Variants in ALDH1A2 observed in about 807,000 individuals in gnomAD.
ALDH1A2 encodes aldehyde dehydrogenase 1 family member A2, also known as retinal dehydrogenase 2.
In ALDH1A2, 27 loss-of-function variants were observed where a neutral mutation model predicts 60.3. The ratio of observed to expected loss-of-function variants is 0.45; its 90% CI spans 0.33 to 0.62. The LOEUF is 0.62. Among genes scored for constraint, ALDH1A2 ranks in the 20% least tolerant of loss-of-function variants. ALDH1A2 has a pLI of 0.02. For missense variants in ALDH1A2, 581 were observed against 643.8 expected, an observed-to-expected ratio of 0.90 and a Z score of 1.06; for synonymous variants, 289 against 232.4, an observed-to-expected ratio of 1.24 and a Z score of -2.21.
intron 12 of ALDH1A2, among the ~76,000 whole-genome samples, chr15:57,958,987 G>A (rs996038635): frequency 4.6e-5 from 7 of 152,148 alleles, no homozygotes; most frequent in African/African-American, 9.7e-5. Context: ...TGTTATATGA[G>A]GTTCAGATAG....
Position 57,961,149 on chromosome 15 carries a change from GCTTGCATTGCAGAAGACA to G in ALDH1A2, c.1379_1396del (p.Val460_Gln465del). The G allele has an allele frequency of 6.2e-7, 1 of 1,614,042 alleles. No homozygotes were observed. Among genetic ancestry groups the G allele is most frequent in the Non-Finnish European group, 8.5e-7 (1 of 1,179,992 alleles). The stretch of plus-strand genomic sequence containing the variant: ...ACTCTGATCTTACCAAACAGTCCCA[GCTTGCATTGCAGAAGACA>G]CTGTGAGGGCCTTGTTGATGTCATT... On this transcript the variant is annotated inframe_deletion, in exon 11 of 13. Transcript: ENST00000249750.
intron 1 of ALDH1A2, among the ~76,000 whole-genome samples, chr15:58,025,009 A>C (rs1422182968): frequency 6.6e-6 from 1 of 152,156 alleles, no homozygotes; most frequent in African/African-American, 2.4e-5. Context: ...CAACATACCA[A>C]AACTCTTGGG....
Position 57,955,205 on chromosome 15 carries a change from T to A in ALDH1A2, c.1549A>T (p.Asn517Tyr). Residue 517 changes from asparagine (N) to tyrosine (Y), a missense_variant, in exon 13 of 13, where the codon AAC (asparagine) becomes TAC (tyrosine). Physicochemically the swap from Asn to Tyr is moderately radical, Grantham distance 143 (BLOSUM62 -2). Transcript: ENST00000249750. ...KTVTVKIPQK[N>Y]S ...CCTCCTTCTTGGCCTTCTTAGGAGT[T>A]CTTCTGGGGGATCTTTACTGTCACC... The A allele has an allele frequency of 6.2e-7, 1 of 1,614,154 alleles. No individual in the cohort carries two copies. Among genetic ancestry groups the A allele is most frequent in the Non-Finnish European group, 8.5e-7 (1 of 1,180,012 alleles).
chr15:57,992,904 T>TA lies in ALDH1A2; in HGVS notation c.684+40dup, dbSNP rs35740908. On this transcript the variant is annotated intron_variant, in intron 6 of 12. Transcript: ENST00000249750. Reference sequence around the variant, plus strand: ...GATATGCTCTAGTAGGCTCCAGCTGTAAGGGGAGTCAGAAGCACTCCCGAA... The same window carrying TA: ...GATATGCTCTAGTAGGCTCCAGCTGTAAAGGGGAGTCAGAAGCACTCCCGAA... 3.5e-3 allele frequency: 5,574 copies of TA among 1,613,984 alleles called. 192 individuals carry two copies. The African/African-American group carries it at 0.066, about 19-fold the overall frequency.
chr15:58,030,868 A>G (rs1262906497), intron 1 of ALDH1A2, among the ~76,000 whole-genome samples: 1 of 152,184 alleles, frequency 6.6e-6, no homozygotes, highest in African/African-American at 2.4e-5. Context: ...ACCACTGCTC[A>G]ACAAAATAAA....
intron 1 of ALDH1A2, among the ~76,000 whole-genome samples, chr15:58,059,958 T>G (rs1896980760): frequency 6.6e-6 from 1 of 152,220 alleles, no homozygotes. Flanking sequence ...GTTTCACTCT[T>G]GTCGCCCAGG....
intron 4 of ALDH1A2, among the ~76,000 whole-genome samples, chr15:58,006,404 C>G (rs1165230525): frequency 6.6e-6 from 1 of 151,962 alleles, no homozygotes; most frequent in Non-Finnish European, 1.5e-5. Flanking sequence ...CCTTCTTTAT[C>G]CACTCGTTGG....
intron 4 of ALDH1A2, among the ~76,000 whole-genome samples, chr15:58,009,164 T>G (rs1178548757): frequency 1.3e-5 from 2 of 152,106 alleles, no homozygotes; most frequent in African/African-American, 4.8e-5. Flanking sequence ...CCATTCTCAC[T>G]GTAAATTATT....
intron 1 of ALDH1A2, among the ~76,000 whole-genome samples, chr15:58,037,094 C>T (rs1216492826): frequency 1.3e-5 from 2 of 151,556 alleles, no homozygotes; most frequent in Admixed American, 6.6e-5. Context: ...GATGAAGGTG[C>T]CCCTTGGATT....
chr15:57,966,515 C>G (rs1893902107), intron 7 of ALDH1A2, among the ~76,000 whole-genome samples: 1 of 152,196 alleles, frequency 6.6e-6, no homozygotes, highest in South Asian at 2.1e-4. Context: ...AGCCCCTGCT[C>G]AAGGCAGAAC....
intron 1 of ALDH1A2, among the ~76,000 whole-genome samples, chr15:58,040,313 T>C (rs909126830): frequency 2.0e-5 from 3 of 151,898 alleles, no homozygotes; most frequent in Non-Finnish European, 2.9e-5. Flanking sequence ...GCTGTGCTAA[T>C]AGAACACGTT....
At chr15:58,052,488 G>C (rs971841074) in intron 1 of ALDH1A2, among the ~76,000 whole-genome samples, 2 of 151,742 alleles carry the variant, frequency 1.3e-5, no homozygotes, top group Non-Finnish European at 2.9e-5. Context: ...TTTTTTGAGA[G>C]GGAGTCTTGC....
intron 11 of ALDH1A2, 102 bp downstream of exon 11, chr15:57,961,035 T>C: frequency 6.6e-7 from 1 of 1,513,282 alleles, no homozygotes; most frequent in Non-Finnish European, 9.1e-7. Flanking sequence ...TGAACTTTGG[T>C]TGCTTTTGGT....
At chr15:58,063,889 A>G (rs1897104153) in intron 1 of ALDH1A2, among the ~76,000 whole-genome samples, 1 of 152,176 alleles carries the variant, frequency 6.6e-6, no homozygotes, top group Non-Finnish European at 1.5e-5. Context: ...ATTAGCTATA[A>G]ATCAGTTGTC....
rs547810916 is a variant in ALDH1A2, at chr15:57,960,626, C to G, written c.1484+144G>C. 5.6e-6 allele frequency: 4 copies of G among 715,304 alleles called. No homozygotes were observed. In the Admixed American group the frequency reaches 8.8e-5, roughly 16 times the overall value. The allele number at this position is 715,304 out of a possible 1,614,324, so 44.3% of individuals were successfully genotyped here. A position where few individuals can be genotyped will look rare whatever the true frequency, so the allele number is the denominator to read the frequency against. On this transcript the variant is annotated intron_variant, in intron 12 of 12. Transcript: ENST00000249750. ...TTCATCTCTATAACATGTAATAGAA[C>G]TTAGCTTATAGTAGCATGTGCTCCA...
chr15:57,992,893 G>C (rs1894941992), intron 6 of ALDH1A2, 52 bp downstream of exon 6: 1 of 1,613,602 alleles, frequency 6.2e-7, no homozygotes, highest in East Asian at 2.2e-5. Flanking sequence ...TGCTCTAGTA[G>C]GCTCCAGCTG....
At chr15:58,045,033 C>T (rs187503014) in intron 1 of ALDH1A2, among the ~76,000 whole-genome samples, 272 of 152,104 alleles carry the variant, frequency 1.8e-3, no homozygotes, top group African/African-American at 6.0e-3. Context: ...CTACAAACAA[C>T]TTCAACAAAT....
chr15:58,040,458 G>C (rs1445482181), intron 1 of ALDH1A2, among the ~76,000 whole-genome samples: 1 of 151,896 alleles, frequency 6.6e-6, no homozygotes, highest in African/African-American at 2.4e-5. Context: ...AACGTTATGA[G>C]GGGCCCACTA....
intron 7 of ALDH1A2, among the ~76,000 whole-genome samples, chr15:57,983,392 T>G (rs1289658035): frequency 6.6e-6 from 1 of 152,198 alleles, no homozygotes; most frequent in Middle Eastern, 3.2e-3. Context: ...TTTTTGTATT[T>G]TGGTTCCCAT....
Sources: allele counts gnomAD v4.1 joint callset (sites outside exome capture counted in the v4.1 genomes callset), GRCh38; gene constraint gnomAD v4.1.1; transcripts MANE v1.5; gene names NCBI Gene and HGNC (gene_info 2026-07-23, HGNC 2026-07-21).